Variants in GRIK4 observed in about 807,000 individuals in gnomAD.
GRIK4 encodes glutamate ionotropic receptor kainate type subunit 4.
In GRIK4, 40 loss-of-function variants were observed where a neutral mutation model predicts 104.9. The ratio of observed to expected loss-of-function variants is 0.38; its 90% CI spans 0.30 to 0.50. GRIK4 has a LOEUF of 0.50. Ranked by LOEUF, GRIK4 falls within the 20% of genes least tolerant of loss-of-function variation. The pLI, the probability that GRIK4 is intolerant of heterozygous loss-of-function variation, is 0.93. For missense variants in GRIK4, 1,047 were observed against 1,308.1 expected, an observed-to-expected ratio of 0.80 and a Z score of 3.08; for synonymous variants, 485 against 524.9, an observed-to-expected ratio of 0.92 and a Z score of 1.04.
chr11:120,710,997 T>TCGGGGG (rs1555046760), intron 3 of GRIK4, among the ~76,000 whole-genome samples: 2 of 124,862 alleles, frequency 1.6e-5, no homozygotes, highest in African/African-American at 3.7e-5. Context: ...CCCTGTGAGG[T>TCGGGGG]GGGGAGGGGG....
intron 11 of GRIK4, among the ~76,000 whole-genome samples, chr11:120,896,276 G>C (rs188385636): frequency 2.6e-5 from 4 of 152,236 alleles, no homozygotes; most frequent in Non-Finnish European, 5.9e-5. Flanking sequence ...AGGCCTCTCA[G>C]CTGACAGGCT....
chr11:120,577,068 A>G (rs897563488), intron 1 of GRIK4, among the ~76,000 whole-genome samples: 4 of 152,268 alleles, frequency 2.6e-5, no homozygotes, highest in African/African-American at 7.2e-5. Flanking sequence ...TGGCTTCAGC[A>G]AGAAAGGTGA....
intron 1 of GRIK4, among the ~76,000 whole-genome samples, chr11:120,564,176 T>TA: frequency 6.6e-6 from 1 of 152,272 alleles, no homozygotes; most frequent in Non-Finnish European, 1.5e-5. Flanking sequence ...ACGTGCGCGC[T>TA]AGGCCTTGGT....
At chr11:120,946,906 C>G (rs1202684654) in intron 14 of GRIK4, among the ~76,000 whole-genome samples, 1 of 152,210 alleles carries the variant, frequency 6.6e-6, no homozygotes, top group Non-Finnish European at 1.5e-5. Context: ...GATACTATCT[C>G]TGATCCCAGA....
chr11:120,609,706 G>A (rs143478315), intron 1 of GRIK4, among the ~76,000 whole-genome samples: 2 of 151,630 alleles, frequency 1.3e-5, no homozygotes, highest in Admixed American at 1.3e-4. Flanking sequence ...TACAGATGCG[G>A]TTTCACCATG....
chr11:120,710,083 G>A (rs1435440649), intron 3 of GRIK4, among the ~76,000 whole-genome samples: 1 of 152,168 alleles, frequency 6.6e-6, no homozygotes, highest in African/African-American at 2.4e-5. Context: ...ACAGTAGTCA[G>A]CGCGAGACAA....
chr11:120,961,517 C>T (rs1357102635), intron 17 of GRIK4, among the ~76,000 whole-genome samples: 3 of 152,218 alleles, frequency 2.0e-5, no homozygotes, highest in Non-Finnish European at 4.4e-5. Flanking sequence ...AAGATTCATA[C>T]ATGAATGACT....
In GRIK4 at chr11:120,988,643, C is replaced by T. The variant is rs1944796721; in HGVS notation, c.*2383C>T. 6.6e-6 allele frequency: 1 copy of T among 152,222 alleles called. No individual in the cohort carries two copies. Among genetic ancestry groups the T allele is most frequent in the African/African-American group, 2.4e-5 (1 of 41,444 alleles). 9.4% of individuals were successfully genotyped at this position (152,222 alleles called of 1,614,324 possible). On this transcript the variant is annotated 3_prime_UTR_variant, in exon 21 of 21. Coordinates refer to ENST00000527524, the MANE Select transcript of GRIK4 (RefSeq NM_014619.5). Reference sequence around the variant, plus strand: ...TGGGTGAATTTGCAACCAGCTAATACTCTTCCTTGGTTTGTTTCCACTTTT... The same window carrying T: ...TGGGTGAATTTGCAACCAGCTAATATTCTTCCTTGGTTTGTTTCCACTTTT...
At chr11:120,703,359 A>G (rs1950582410) in intron 3 of GRIK4, among the ~76,000 whole-genome samples, 1 of 152,038 alleles carries the variant, frequency 6.6e-6, no homozygotes, top group Non-Finnish European at 1.5e-5. Context: ...TAATGTTCTA[A>G]AGGGGGCTGG....
intron 3 of GRIK4, among the ~76,000 whole-genome samples, chr11:120,700,705 C>A (rs1156636483): frequency 6.6e-6 from 1 of 152,176 alleles, no homozygotes; most frequent in East Asian, 1.9e-4. Context: ...GATCCGCCCA[C>A]TTTGGCCTCC....
intron 3 of GRIK4, among the ~76,000 whole-genome samples, chr11:120,664,994 T>C (rs948691621): frequency 4.6e-5 from 7 of 152,282 alleles, no homozygotes; most frequent in African/African-American, 1.7e-4. Context: ...ACGAGGACCC[T>C]CCAAGCACTT....
At chr11:120,586,106 C>T in intron 1 of GRIK4, among the ~76,000 whole-genome samples, 1 of 152,068 alleles carries the variant, frequency 6.6e-6, no homozygotes. Flanking sequence ...GGTGTGTGAG[C>T]TGACACTTGG....
chr11:120,607,702 A>T (rs1948979423), intron 1 of GRIK4, among the ~76,000 whole-genome samples: 1 of 152,146 alleles, frequency 6.6e-6, no homozygotes, highest in Admixed American at 6.5e-5. Flanking sequence ...CGTGAGACAC[A>T]GATTTGGGCT....
intron 1 of GRIK4, among the ~76,000 whole-genome samples, chr11:120,638,817 C>T (rs1229690624): frequency 6.6e-6 from 1 of 152,070 alleles, no homozygotes; most frequent in East Asian, 1.9e-4. Flanking sequence ...CAAGGGCCTG[C>T]CTTTTTCAGG....
At chr11:120,806,165 C>G (rs1952707703) in intron 4 of GRIK4, among the ~76,000 whole-genome samples, 1 of 152,172 alleles carries the variant, frequency 6.6e-6, no homozygotes, top group Non-Finnish European at 1.5e-5. Context: ...GCTTCATTCT[C>G]TCACCCCACA....
chr11:120,627,913 C>T (rs969109775), intron 1 of GRIK4, among the ~76,000 whole-genome samples: 5 of 152,224 alleles, frequency 3.3e-5, no homozygotes, highest in South Asian at 4.1e-4. Context: ...ACTCATGTCA[C>T]GGTGCTGCTA....
At chr11:120,803,446 TG>T in intron 4 of GRIK4, among the ~76,000 whole-genome samples, 1 of 152,360 alleles carries the variant, frequency 6.6e-6, no homozygotes, top group South Asian at 2.1e-4. Flanking sequence ...TTTTTGTTTT[TG>T]TTTTTTTTGA....
chr11:120,806,102 G>A (rs377274324), intron 4 of GRIK4, among the ~76,000 whole-genome samples: 4 of 152,250 alleles, frequency 2.6e-5, no homozygotes, highest in South Asian at 2.1e-4. Context: ...TGAAACGCTC[G>A]GCACTGCACA....
chr11:120,603,211 G>A (rs548934612), intron 1 of GRIK4, among the ~76,000 whole-genome samples: 1 of 152,354 alleles, frequency 6.6e-6, no homozygotes, highest in African/African-American at 2.4e-5. Flanking sequence ...ATGCCTGTGG[G>A]TAGGGCAGGC....
Sources: allele counts gnomAD v4.1 joint callset (sites outside exome capture counted in the v4.1 genomes callset), GRCh38; gene constraint gnomAD v4.1.1; transcripts MANE v1.5; gene names NCBI Gene and HGNC (gene_info 2026-07-23, HGNC 2026-07-21).